Variants in RNF169 observed in about 807,000 individuals in gnomAD.
RNF169 encodes E3 ubiquitin-protein ligase RNF169.
RNF169 carries 24 observed loss-of-function variants against 53.9 expected under a neutral mutation model. The ratio of observed to expected loss-of-function variants is 0.45; its 90% CI spans 0.32 to 0.63. The LOEUF is 0.63. Among genes scored for constraint, RNF169 ranks in the 20% least tolerant of loss-of-function variants. The pLI, the probability that RNF169 is intolerant of heterozygous loss-of-function variation, is 0.04. For synonymous variants in RNF169, 396 were observed against 363.5 expected (o/e 1.09, Z -1.02); for missense variants, 883 against 906.2 (o/e 0.97, Z 0.33).
chr11:74,758,899 C>T (rs1341806675), intron 1 of RNF169, among the ~76,000 whole-genome samples: 22 of 148,494 alleles, frequency 1.5e-4, no homozygotes, highest in African/African-American at 5.2e-4. Flanking sequence ...TTACCTTGGG[C>T]AGTATGGCCA....
chr11:74,804,559 C>G (rs1367679864), intron 2 of RNF169, among the ~76,000 whole-genome samples: 1 of 152,080 alleles, frequency 6.6e-6, no homozygotes, highest in African/African-American at 2.4e-5. Flanking sequence ...ACTGATTCAC[C>G]AAAAATTGGG....
At chr11:74,758,595 G>A (rs1213543417) in intron 1 of RNF169, among the ~76,000 whole-genome samples, 16 of 151,480 alleles carry the variant, frequency 1.1e-4, no homozygotes, top group Admixed American at 2.0e-4. Context: ...TCCGCCTCCC[G>A]GTTTCACGCC....
chr11:74,817,089 A>G (rs2035950283), intron 3 of RNF169, among the ~76,000 whole-genome samples: 2 of 152,222 alleles, frequency 1.3e-5, no homozygotes, highest in South Asian at 4.1e-4. Flanking sequence ...TAGAAGTAGA[A>G]TAGAATAGAG....
Position 74,749,040 on chromosome 11 carries a change from T to TTGCTGCAGCCGCCGC in RNF169, c.164_178dup (p.Leu55_Leu59dup). ...TTCGCTGTTGGTGTTGTCGCCGCCG[T>TTGCTGCAGCCGCCGC]TGCTGCAGCCGCCGCTGCCGCCGCG... is the stretch of plus-strand genomic sequence containing the variant. On this transcript the variant is annotated inframe_insertion, in exon 1 of 6. Transcript: ENST00000299563. 4 of 1,471,582 alleles carry TTGCTGCAGCCGCCGC rather than the reference T, an allele frequency of 2.7e-6. No homozygotes were observed. The highest frequency in any genetic ancestry group is 3.6e-6 in the Non-Finnish European group (4 of 1,109,608). The allele number at this position is 1,471,582 out of a possible 1,614,324, so 91.2% of individuals were successfully genotyped here.
intron 1 of RNF169, among the ~76,000 whole-genome samples, chr11:74,779,860 T>G (rs1488645556): frequency 6.6e-6 from 1 of 152,122 alleles, no homozygotes; most frequent in African/African-American, 2.4e-5. Flanking sequence ...ATTGGCTGCT[T>G]TTTTTTGGAG....
intron 2 of RNF169, among the ~76,000 whole-genome samples, chr11:74,798,692 T>A (rs1252600827): frequency 6.6e-6 from 1 of 152,148 alleles, no homozygotes; most frequent in East Asian, 1.9e-4. Context: ...AATAAAAACT[T>A]GCTGGTTTTT....
intron 3 of RNF169, among the ~76,000 whole-genome samples, chr11:74,817,200 G>A (rs896378923): frequency 7.9e-5 from 12 of 152,170 alleles, no homozygotes; most frequent in African/African-American, 2.9e-4. Context: ...TAACTACTCT[G>A]AGCCTCAGTT....
chr11:74,749,894 AGTT>A (rs1171399512), intron 1 of RNF169, among the ~76,000 whole-genome samples: 3 of 152,162 alleles, frequency 2.0e-5, no homozygotes, highest in South Asian at 2.1e-4. Flanking sequence ...ACACTTGTGC[AGTT>A]GTTTTCATAC....
In RNF169 at chr11:74,754,840, C is replaced by G. The variant is rs531667503; in HGVS notation, c.502+5458C>G. 2.0e-5 allele frequency among the ~76,000 whole-genome samples: 3 copies of G among 152,098 alleles called. No individual in the cohort carries two copies. The East Asian group carries it at 5.8e-4, about 29-fold the overall frequency. On this transcript the variant is annotated intron_variant, in intron 1 of 5. Transcript: ENST00000299563. ...CTCTGAAAAACAAATAAACAAAACA[C>G]GAAAATTGAATAGATAAACAATTGA...
chr11:74,834,630 A>G (rs754387971), intron 4 of RNF169, 46 bp from the exon 5 acceptor site: 8 of 1,418,958 alleles, frequency 5.6e-6, no homozygotes, highest in African/African-American at 2.8e-5. Context: ...CCTTACCTAT[A>G]TATGGACTAA....
At chr11:74,825,039 A>C (rs2036072501) in intron 4 of RNF169, among the ~76,000 whole-genome samples, 1 of 152,238 alleles carries the variant, frequency 6.6e-6, no homozygotes, top group South Asian at 2.1e-4. Context: ...AACAGTAAAC[A>C]AGAGAGCTGG....
At chr11:74,764,693 A>G (rs538856717) in intron 1 of RNF169, among the ~76,000 whole-genome samples, 97 of 152,332 alleles carry the variant, frequency 6.4e-4, no homozygotes, top group Non-Finnish European at 1.1e-3. Flanking sequence ...GAAAGAAGTC[A>G]GTAGGTAGAC....
Position 74,836,536 on chromosome 11 carries a change from G to A in RNF169, c.1933G>A (p.Gly645Arg), listed in dbSNP as rs371927693. Reference protein sequence around the residue: ...GSLKKLRQTSGEVGLAPTDPV... With the variant: ...GSLKKLRQTSREVGLAPTDPV... ...CCTTAAAAAACTGCGACAAACCAGTGGGGAGGTGGGTCTGGCCCCAACAGA... is the reference window on the plus strand; with the variant it reads ...CCTTAAAAAACTGCGACAAACCAGTAGGGAGGTGGGTCTGGCCCCAACAGA... Residue 645 changes from glycine (G) to arginine (R), a missense_variant, in exon 6 of 6, where the codon GGG (glycine) becomes AGG (arginine). Gly to Arg is a moderately radical substitution (Grantham distance 125). Around this residue, in one of 3 missense-constraint regions of RNF169, gnomAD observed 351 missense variants for 337.3 expected, o/e 1.04. Coordinates refer to ENST00000299563, the MANE Select transcript of RNF169 (RefSeq NM_001098638.2). 2.0e-5 allele frequency: 32 copies of A among 1,614,044 alleles called. No homozygotes were observed. The highest frequency in any genetic ancestry group is 2.5e-5 in the Non-Finnish European group (30 of 1,180,050).
At position 74,826,011 on chromosome 11, in the gene RNF169, G is replaced by A. The variant is rs184021598; in HGVS notation, c.842+8297G>A. Among the ~76,000 whole-genome samples, 9 of 152,272 alleles carry A rather than the reference G, an allele frequency of 5.9e-5. 1 individual carries two copies. The highest frequency in any genetic ancestry group is 3.9e-4 in the Admixed American group (6 of 15,296). ...GGAGGGAGTGAGTGAATGAATGAAG[G>A]GGGAAGAGGCCCTTATAAAACCATA... On this transcript the variant is annotated intron_variant, in intron 4 of 5. Coordinates refer to ENST00000299563, the MANE Select transcript of RNF169 (RefSeq NM_001098638.2).
chr11:74,838,777 T>C lies in RNF169; in HGVS notation c.*2047T>C, dbSNP rs1024407443. 2 of 152,190 alleles carry C rather than the reference T, an allele frequency of 1.3e-5. No homozygotes were observed. Among genetic ancestry groups the C allele is most frequent in the African/African-American group, 4.8e-5 (2 of 41,448 alleles). The allele number at this position is 152,190 out of a possible 1,614,324, so 9.4% of individuals were successfully genotyped here. ...CCCAAAACAGAAGAGCTGGCTCTGG[T>C]TTACAGAAGACAGGGAGGGTGACCT... On this transcript the variant is annotated 3_prime_UTR_variant, in exon 6 of 6. Coordinates refer to ENST00000299563, the MANE Select transcript of RNF169 (RefSeq NM_001098638.2).
chr11:74,820,577 G>A (rs1347555635), intron 4 of RNF169, among the ~76,000 whole-genome samples: 2 of 152,104 alleles, frequency 1.3e-5, no homozygotes, highest in Non-Finnish European at 2.9e-5. Flanking sequence ...GAAGCAGTGA[G>A]TTGAAACAGC....
intron 1 of RNF169, among the ~76,000 whole-genome samples, chr11:74,773,220 A>G (rs1356732286): frequency 6.6e-6 from 1 of 152,142 alleles, no homozygotes; most frequent in Non-Finnish European, 1.5e-5. Flanking sequence ...TGGTGCTGCA[A>G]TATCTGGCAT....
chr11:74,807,255 G>C (rs2035818884), intron 2 of RNF169, among the ~76,000 whole-genome samples: 1 of 152,112 alleles, frequency 6.6e-6, no homozygotes, highest in Non-Finnish European at 1.5e-5. Flanking sequence ...AACACTCCAT[G>C]GGGCACACTT....
chr11:74,819,283 T>C (rs887267661), intron 4 of RNF169, among the ~76,000 whole-genome samples: 1 of 152,206 alleles, frequency 6.6e-6, no homozygotes, highest in African/African-American at 2.4e-5. Context: ...CCATTTGTTT[T>C]ATAAATGGAA....
Sources: gnomAD v4.1 joint callset for allele counts (sites outside exome capture counted in the v4.1 genomes callset) on GRCh38, gnomAD v4.1.1 for gene constraint, gnomAD v4.1.1 regional missense constraint, MANE v1.5 for transcripts, NCBI Gene and HGNC (gene_info 2026-07-23, HGNC 2026-07-21) for gene names.